CAMKMT: variants seen among roughly 807,000 people sequenced by gnomAD.
The protein encoded by CAMKMT is CaM KMT.
Under a neutral mutation model 48.0 loss-of-function variants are expected in CAMKMT, and 53 were observed. The observed-to-expected ratio is 1.10, with a 90% CI of 0.89 to 1.39. The LOEUF is 1.39. Among genes scored for constraint, CAMKMT ranks in the 40% most tolerant of loss-of-function variants. The probability of loss-of-function intolerance (pLI) is 0.00; values close to 1 mark genes in which losing one functional copy is unlikely to be tolerated. For synonymous variants in CAMKMT, 165 were observed against 152.3 expected (o/e 1.08, Z -0.61); for missense variants, 428 against 402.7 (o/e 1.06, Z -0.54).
intron 3 of CAMKMT, among the ~76,000 whole-genome samples, chr2:44,600,572 T>G (rs975259193): frequency 1.3e-5 from 2 of 152,056 alleles, no homozygotes; most frequent in Non-Finnish European, 2.9e-5. Flanking sequence ...CTGGCCAAGA[T>G]CAAGTTTTTG....
chr2:44,370,318 T>C (rs988274356), intron 1 of CAMKMT, among the ~76,000 whole-genome samples: 8 of 152,196 alleles, frequency 5.3e-5, no homozygotes, highest in Non-Finnish European at 8.8e-5. Flanking sequence ...GTTTTCTTTG[T>C]GGTAAGTTTT....
chr2:44,602,269 C>T (rs1174074990), intron 3 of CAMKMT, among the ~76,000 whole-genome samples: 4 of 152,046 alleles, frequency 2.6e-5, no homozygotes, highest in Non-Finnish European at 5.9e-5. Flanking sequence ...AAGCATGAGC[C>T]ACCATGCCTG....
At chr2:44,412,492 C>T (rs184054422) in intron 3 of CAMKMT, among the ~76,000 whole-genome samples, 24 of 152,114 alleles carry the variant, frequency 1.6e-4, no homozygotes, top group Non-Finnish European at 2.8e-4. Context: ...CCTGCCACCA[C>T]GCCCAGCTAA....
intron 3 of CAMKMT, among the ~76,000 whole-genome samples, chr2:44,501,497 A>G (rs1158656067): frequency 6.6e-6 from 1 of 152,190 alleles, no homozygotes; most frequent in East Asian, 1.9e-4. Context: ...GGAGTGAAGA[A>G]AGAGACTTGT....
intron 3 of CAMKMT, among the ~76,000 whole-genome samples, chr2:44,673,085 T>A (rs1028685260): frequency 1.3e-5 from 2 of 152,166 alleles, no homozygotes; most frequent in Admixed American, 6.5e-5. Flanking sequence ...TTGATTTTTT[T>A]AATTGGCACT....
At chr2:44,676,888 T>C (rs1335191424) in intron 3 of CAMKMT, 1 of 152,260 alleles carries the variant, frequency 6.6e-6, no homozygotes, top group Non-Finnish European at 1.5e-5. Flanking sequence ...AAATTCTGTC[T>C]TCCTGCTTCT....
intron 3 of CAMKMT, among the ~76,000 whole-genome samples, chr2:44,670,525 A>G (rs369677454): frequency 6.6e-6 from 1 of 152,088 alleles, no homozygotes; most frequent in East Asian, 1.9e-4. Flanking sequence ...GCTGGTGCAT[A>G]CCTATGGTCC....
intron 3 of CAMKMT, among the ~76,000 whole-genome samples, chr2:44,677,382 G>A (rs955317957): frequency 2.0e-5 from 3 of 152,154 alleles, no homozygotes; most frequent in Admixed American, 1.3e-4. Context: ...GGATATCTGG[G>A]TAGAAGATTG....
intron 1 of CAMKMT, among the ~76,000 whole-genome samples, chr2:44,371,015 G>A (rs919639434): frequency 2.6e-5 from 4 of 152,026 alleles, no homozygotes; most frequent in African/African-American, 4.8e-5. Flanking sequence ...GCAGAGTCTC[G>A]CTGTTGTCAA....
intron 3 of CAMKMT, among the ~76,000 whole-genome samples, chr2:44,662,013 C>G (rs889875662): frequency 7.9e-5 from 12 of 152,196 alleles, no homozygotes; most frequent in Non-Finnish European, 1.6e-4. Flanking sequence ...ATATCTATCA[C>G]TGTATGCAAC....
chr2:44,414,124 TGTAGA>T (rs1363539178), intron 3 of CAMKMT, among the ~76,000 whole-genome samples: 2 of 152,168 alleles, frequency 1.3e-5, no homozygotes, highest in African/African-American at 4.8e-5. Flanking sequence ...GCAACTCTAT[TGTAGA>T]GTAGTTAGCC....
chr2:44,658,695 G>C (rs1674511641), intron 3 of CAMKMT, among the ~76,000 whole-genome samples: 1 of 152,100 alleles, frequency 6.6e-6, no homozygotes, highest in Non-Finnish European at 1.5e-5. Context: ...CTTTCCACAA[G>C]ATTACTATTG....
chr2:44,668,325 G>A (rs1335106129), intron 3 of CAMKMT, among the ~76,000 whole-genome samples: 1 of 152,050 alleles, frequency 6.6e-6, no homozygotes, highest in Non-Finnish European at 1.5e-5. Flanking sequence ...CCTCACTAAG[G>A]CTAGGCATTC....
In CAMKMT at chr2:44,388,961, GCT is replaced by G. The variant is rs1223065158; in HGVS notation, c.312-1275_312-1274del. 1.3e-5 allele frequency among the ~76,000 whole-genome samples: 2 copies of G among 152,168 alleles called. 1 individual carries two copies. The highest frequency in any genetic ancestry group is 1.3e-4 in the Admixed American group (2 of 15,282). ...GGGTTCTTAGCTTTGGTGGTTTAAT[GCT>G]CTCTTTTTGTGCTGGTTGACCTCCT... On this transcript the variant is annotated intron_variant, in intron 2 of 10. Transcript: ENST00000378494.
intron 3 of CAMKMT, among the ~76,000 whole-genome samples, chr2:44,629,612 G>A (rs558040143): frequency 1.3e-5 from 2 of 151,614 alleles, no homozygotes; most frequent in Admixed American, 1.3e-4. Context: ...CTAATTAACA[G>A]AGAGCCAAAT....
intron 4 of CAMKMT, 128 bp downstream of exon 4, chr2:44,704,471 G>A: frequency 1.6e-6 from 1 of 631,902 alleles, no homozygotes; most frequent in South Asian, 3.2e-5. Flanking sequence ...AAAACAGGAA[G>A]AAAAGGAAAA....
At position 44,384,868 on chromosome 2, in the gene CAMKMT, G is replaced by A. The variant is rs1193400648; in HGVS notation, c.312-5373G>A. ...CTTATTTTTATATCAGTACCACGCT[G>A]TTTTAGTGACTGTGGCTTTATAGTA... On this transcript the variant is annotated intron_variant, in intron 2 of 10. Coordinates refer to ENST00000378494, the MANE Select transcript of CAMKMT (RefSeq NM_024766.5). 3.3e-5 allele frequency among the ~76,000 whole-genome samples: 5 copies of A among 152,184 alleles called. No individual in the cohort carries two copies. The East Asian group carries it at 9.6e-4, about 29-fold the overall frequency.
rs565134212 is a variant in CAMKMT, at chr2:44,485,481, C to A, written c.376+95176C>A. 5.3e-5 allele frequency among the ~76,000 whole-genome samples: 8 copies of A among 152,236 alleles called. No homozygotes were observed. In the South Asian group the frequency reaches 1.7e-3, roughly 32 times the overall value. Reference sequence around the variant, plus strand: ...ACAGTCATGCATCACTTAACAATGGCGATACGTTCTGAGAAATGTGTCCTT... The same window carrying A: ...ACAGTCATGCATCACTTAACAATGGAGATACGTTCTGAGAAATGTGTCCTT... On this transcript the variant is annotated intron_variant, in intron 3 of 10. Coordinates refer to ENST00000378494, the MANE Select transcript of CAMKMT (RefSeq NM_024766.5).
chr2:44,422,902 T>G (rs78085054), intron 3 of CAMKMT, among the ~76,000 whole-genome samples: 3,158 of 152,220 alleles, frequency 0.021, 122 homozygotes, highest in African/African-American at 0.073. Context: ...AGCTCATGGC[T>G]TTATTTTTAT....
Sources: gnomAD v4.1 joint callset for allele counts (sites outside exome capture counted in the v4.1 genomes callset) on GRCh38, gnomAD v4.1.1 for gene constraint, MANE v1.5 for transcripts, NCBI Gene and HGNC (gene_info 2026-07-23, HGNC 2026-07-21) for gene names.